ALK: variants seen among roughly 807,000 people sequenced by gnomAD.
ALK encodes ALK receptor tyrosine kinase.
ALK carries 74 observed loss-of-function variants against 163.1 expected under a neutral mutation model. The ratio of observed to expected loss-of-function variants is 0.45; its 90% CI spans 0.38 to 0.55. ALK has a LOEUF of 0.55. Ranked by LOEUF, ALK falls within the 20% of genes least tolerant of loss-of-function variation. ALK has a pLI of 0.00. For synonymous variants in ALK, 960 were observed against 843.2 expected, an observed-to-expected ratio of 1.14 and a Z score of -2.40; for missense variants, 2,063 against 2,105.3, an observed-to-expected ratio of 0.98 and a Z score of 0.39.
chr2:29,630,227 T>C (rs1676322965), intron 3 of ALK, among the ~76,000 whole-genome samples: 1 of 152,150 alleles, frequency 6.6e-6, no homozygotes, highest in South Asian at 2.1e-4. Context: ...ATCGTGGATA[T>C]TTCTCCTAGC....
intron 3 of ALK, among the ~76,000 whole-genome samples, chr2:29,541,952 T>G (rs1673424712): frequency 6.6e-6 from 1 of 152,210 alleles, no homozygotes; most frequent in Admixed American, 6.5e-5. Flanking sequence ...CCATAACCTG[T>G]CTTGCAACTA....
intron 1 of ALK, among the ~76,000 whole-genome samples, chr2:29,740,860 G>A (rs1366839322): frequency 2.0e-5 from 3 of 152,112 alleles, no homozygotes; most frequent in Admixed American, 6.5e-5. Flanking sequence ...AAATTAGCCA[G>A]GCGTGGTGGT....
chr2:29,790,788 T>A (rs1481772193), intron 1 of ALK, among the ~76,000 whole-genome samples: 2 of 152,210 alleles, frequency 1.3e-5, no homozygotes, highest in African/African-American at 4.8e-5. Flanking sequence ...TTCACCATGT[T>A]GGCCAGGATG....
At chr2:29,476,571 T>C (rs183261295) in intron 4 of ALK, among the ~76,000 whole-genome samples, 5 of 151,946 alleles carry the variant, frequency 3.3e-5, no homozygotes, top group Admixed American at 2.6e-4. Flanking sequence ...AGACAGGGTG[T>C]CGGTGGTAGA....
At chr2:29,797,192 C>A (rs1006338474) in intron 1 of ALK, among the ~76,000 whole-genome samples, 1 of 152,162 alleles carries the variant, frequency 6.6e-6, no homozygotes, top group Non-Finnish European at 1.5e-5. Context: ...TTTAGCAGCT[C>A]TCTGCTCATA....
chr2:29,337,510 C>T (rs897414083), intron 5 of ALK, among the ~76,000 whole-genome samples: 5 of 152,136 alleles, frequency 3.3e-5, no homozygotes, highest in East Asian at 3.9e-4. Flanking sequence ...TGTCCACACA[C>T]GCCTATATCA....
At chr2:29,376,466 C>A (rs1668755484) in intron 5 of ALK, among the ~76,000 whole-genome samples, 1 of 152,194 alleles carries the variant, frequency 6.6e-6, no homozygotes, top group Admixed American at 6.5e-5. Flanking sequence ...GTTAAAGGAA[C>A]CACACCAAAA....
intron 4 of ALK, among the ~76,000 whole-genome samples, chr2:29,471,038 T>G (rs910248675): frequency 6.6e-6 from 1 of 152,154 alleles, no homozygotes; most frequent in Non-Finnish European, 1.5e-5. Context: ...ATGAACAGCA[T>G]AGTAAAATAA....
intron 9 of ALK, among the ~76,000 whole-genome samples, chr2:29,280,178 C>T (rs143333401): frequency 0.028 from 4,225 of 151,920 alleles, 109 homozygotes; most frequent in Admixed American, 0.065. Flanking sequence ...CTAGTATGTA[C>T]CATGTAGACC....
chr2:29,195,273 T>G (rs972042559), intron 28 of ALK, among the ~76,000 whole-genome samples: 2 of 152,218 alleles, frequency 1.3e-5, no homozygotes, highest in African/African-American at 2.4e-5. Context: ...AATAACCTAA[T>G]GTCATTAAAC....
At chr2:29,249,831 C>T (rs889258569) in intron 12 of ALK, among the ~76,000 whole-genome samples, 25 of 152,140 alleles carry the variant, frequency 1.6e-4, no homozygotes, top group African/African-American at 5.3e-4. Context: ...AGGGGTGGTC[C>T]GGTGTCTTCC....
chr2:29,606,200 C>A (rs966361611), intron 3 of ALK, among the ~76,000 whole-genome samples: 17 of 152,248 alleles, frequency 1.1e-4, no homozygotes, highest in Non-Finnish European at 1.2e-4. Flanking sequence ...TTCATTTCCC[C>A]TCCCCTGTCT....
At chr2:29,679,402 T>C (rs1677994398) in intron 3 of ALK, among the ~76,000 whole-genome samples, 1 of 151,848 alleles carries the variant, frequency 6.6e-6, no homozygotes, top group Non-Finnish European at 1.5e-5. Flanking sequence ...TTTTAATCGT[T>C]TATTTATTTT....
At chr2:29,518,399 A>G (rs1672727520) in intron 4 of ALK, among the ~76,000 whole-genome samples, 1 of 152,244 alleles carries the variant, frequency 6.6e-6, no homozygotes, top group Non-Finnish European at 1.5e-5. Context: ...GGGAATGTCA[A>G]TAGCAAACAA....
chr2:29,852,110 C>A (rs555876150), intron 1 of ALK, among the ~76,000 whole-genome samples: 6 of 152,188 alleles, frequency 3.9e-5, no homozygotes, highest in African/African-American at 1.4e-4. Flanking sequence ...GATGCCAGCA[C>A]AGGAATAAGA....
chr2:29,255,383 A>G (rs1664925705), intron 11 of ALK, among the ~76,000 whole-genome samples: 1 of 152,172 alleles, frequency 6.6e-6, no homozygotes, highest in Non-Finnish European at 1.5e-5. Context: ...GACCTTTCAC[A>G]TACAGATTCT....
intron 1 of ALK, among the ~76,000 whole-genome samples, chr2:29,879,720 C>T (rs980393325): frequency 6.6e-6 from 1 of 152,166 alleles, no homozygotes; most frequent in Non-Finnish European, 1.5e-5. Flanking sequence ...AGAGGACGTG[C>T]CCACTTATGA....
chr2:29,417,576 T>C (rs1669911692), intron 4 of ALK, among the ~76,000 whole-genome samples: 1 of 152,150 alleles, frequency 6.6e-6, no homozygotes, highest in Admixed American at 6.5e-5. Flanking sequence ...GAGAGGAAAA[T>C]GACTTGCCCG....
At chr2:29,287,165 C>A (rs1361551758) in intron 9 of ALK, among the ~76,000 whole-genome samples, 1 of 152,170 alleles carries the variant, frequency 6.6e-6, no homozygotes, top group Non-Finnish European at 1.5e-5. Flanking sequence ...TTCCAAGTCA[C>A]ATTTAATGTT....
Sources: gnomAD v4.1 joint callset for allele counts (sites outside exome capture counted in the v4.1 genomes callset) on GRCh38, gnomAD v4.1.1 for gene constraint, MANE v1.5 for transcripts, NCBI Gene and HGNC (gene_info 2026-07-23, HGNC 2026-07-21) for gene names.